Variants in DNAH14 observed in about 807,000 individuals in gnomAD.
The protein encoded by DNAH14 is dynein axonemal heavy chain 14.
A neutral mutation model predicts 520.9 loss-of-function variants in DNAH14; 478 were observed. The ratio of observed to expected loss-of-function variants is 0.92; its 90% CI spans 0.85 to 0.99. DNAH14 has a LOEUF of 0.99. Ranked by LOEUF, DNAH14 falls within the 50% of genes least tolerant of loss-of-function variation. The probability of loss-of-function intolerance (pLI) is 0.00; values close to 1 mark genes in which losing one functional copy is unlikely to be tolerated. For synonymous variants in DNAH14, 1,581 were observed against 1,757.2 expected, an observed-to-expected ratio of 0.90 and a Z score of 2.51; for missense variants, 4,831 against 5,234.5, an observed-to-expected ratio of 0.92 and a Z score of 2.38.
chr1:224,961,567 G>C (rs1437604685), intron 4 of DNAH14, among the ~76,000 whole-genome samples: 1 of 152,034 alleles, frequency 6.6e-6, no homozygotes, highest in Non-Finnish European at 1.5e-5. Flanking sequence ...GCAAATAGGG[G>C]AAATGCCAGA....
rs190615110 is a variant in DNAH14 at position 225,173,988 on chromosome 1, A to G, written c.5535+5960A>G. Among the ~76,000 whole-genome samples the G allele has an allele frequency of 2.7e-3, 415 of 152,320 alleles. 1 individual carries two copies. The highest frequency in any genetic ancestry group is 0.027 in the Middle Eastern group (8 of 294). ...GACATAGATGAAGCTGGAAACCATCATTCTCAGCAAACTATCGCAAGGACA... is the reference window on the plus strand; with the variant it reads ...GACATAGATGAAGCTGGAAACCATCGTTCTCAGCAAACTATCGCAAGGACA... On this transcript the variant is annotated intron_variant, in intron 36 of 85. Transcript: ENST00000682510.
intron 10 of DNAH14, among the ~76,000 whole-genome samples, chr1:225,014,210 A>G (rs1019984482): frequency 6.6e-6 from 1 of 151,958 alleles, no homozygotes; most frequent in Admixed American, 6.6e-5. Context: ...TAGCGGAGGG[A>G]GTTCCCTGAC....
intron 76 of DNAH14, among the ~76,000 whole-genome samples, chr1:225,367,068 A>G (rs1390947331): frequency 6.6e-6 from 1 of 152,010 alleles, no homozygotes; most frequent in African/African-American, 2.4e-5. Context: ...ATATACATAT[A>G]TACATACATT....
intron 54 of DNAH14, among the ~76,000 whole-genome samples, chr1:225,280,856 G>T (rs1311683037): frequency 4.6e-5 from 7 of 151,938 alleles, no homozygotes; most frequent in Non-Finnish European, 1.0e-4. Context: ...AAAGATAAAA[G>T]GAGGAAAAAC....
intron 52 of DNAH14, 55 bp downstream of exon 52, chr1:225,273,180 C>G: frequency 6.7e-7 from 1 of 1,488,206 alleles, no homozygotes; most frequent in Non-Finnish European, 8.9e-7. Flanking sequence ...CGCCTGTAAT[C>G]CCAGCACTTT....
At chr1:225,386,365 C>A (rs2095842232) in intron 81 of DNAH14, among the ~76,000 whole-genome samples, 1 of 152,058 alleles carries the variant, frequency 6.6e-6, no homozygotes, top group South Asian at 2.1e-4. Flanking sequence ...GCAACAAAAG[C>A]CAAAATTGAC....
chr1:225,192,411 AC>A (rs1355698410), intron 37 of DNAH14, among the ~76,000 whole-genome samples: 1 of 152,106 alleles, frequency 6.6e-6, no homozygotes, highest in East Asian at 1.9e-4. Flanking sequence ...CAGACACATT[AC>A]ATGCCAGTTT....
At chr1:225,168,091 A>C in intron 36 of DNAH14, 63 bp downstream of exon 36, 1 of 943,872 alleles carries the variant, frequency 1.1e-6, no homozygotes, top group African/African-American at 1.7e-5. Flanking sequence ...TAATAAAATA[A>C]AGGGCAAAAA....
intron 35 of DNAH14, among the ~76,000 whole-genome samples, chr1:225,161,632 G>T (rs2149155982): frequency 6.6e-6 from 1 of 152,290 alleles, no homozygotes; most frequent in East Asian, 1.9e-4. Context: ...CAACCACAAT[G>T]TATGAGTGTT....
At chr1:225,371,361 G>C (rs756583127) in intron 77 of DNAH14, among the ~76,000 whole-genome samples, 33 of 151,974 alleles carry the variant, frequency 2.2e-4, no homozygotes, top group Non-Finnish European at 3.5e-4. Flanking sequence ...TGTAGAAGAG[G>C]CATTTGTTAT....
intron 17 of DNAH14, among the ~76,000 whole-genome samples, chr1:225,073,604 C>T (rs1190969585): frequency 6.6e-6 from 1 of 152,210 alleles, no homozygotes; most frequent in African/African-American, 2.4e-5. Flanking sequence ...GCGGCCCGCT[C>T]CTCCCTCTGG....
chr1:224,951,568 G>A (rs1484038196), intron 1 of DNAH14, among the ~76,000 whole-genome samples: 1 of 151,124 alleles, frequency 6.6e-6, no homozygotes, highest in Non-Finnish European at 1.5e-5. Context: ...TCTGCACCCT[G>A]AGTCTCGTCA....
intron 75 of DNAH14, among the ~76,000 whole-genome samples, chr1:225,362,500 G>A (rs538571364): frequency 3.3e-5 from 5 of 151,862 alleles, no homozygotes; most frequent in African/African-American, 7.2e-5. Context: ...GCTTGATCCC[G>A]GGAGGTGGAG....
intron 23 of DNAH14, among the ~76,000 whole-genome samples, chr1:225,103,795 G>A (rs2075749212): frequency 6.6e-6 from 1 of 152,144 alleles, no homozygotes; most frequent in South Asian, 2.1e-4. Context: ...TTTGGGCTGA[G>A]ACGATGGGGT....
chr1:224,956,417 A>G (rs1192058879), intron 3 of DNAH14, among the ~76,000 whole-genome samples: 1 of 152,144 alleles, frequency 6.6e-6, no homozygotes, highest in Non-Finnish European at 1.5e-5. Context: ...ATGTGTTTAG[A>G]TACACAAATA....
chr1:224,983,400 A>G (rs1572235338), intron 8 of DNAH14, among the ~76,000 whole-genome samples: 1 of 152,148 alleles, frequency 6.6e-6, no homozygotes, highest in Non-Finnish European at 1.5e-5. Flanking sequence ...ACAGGGATAT[A>G]CCTTAATGTA....
At chr1:225,287,356 G>T (rs1346766634) in intron 54 of DNAH14, among the ~76,000 whole-genome samples, 1 of 152,098 alleles carries the variant, frequency 6.6e-6, no homozygotes, top group Non-Finnish European at 1.5e-5. Flanking sequence ...AAGTGGTTTG[G>T]GGGTAAAGTT....
chr1:225,139,647 C>A (rs1430905557), intron 27 of DNAH14, among the ~76,000 whole-genome samples: 4 of 152,182 alleles, frequency 2.6e-5, no homozygotes, highest in Non-Finnish European at 5.9e-5. Flanking sequence ...AAATAAATAA[C>A]AAACAGTAAT....
intron 25 of DNAH14, 121 bp downstream of exon 25, chr1:225,118,120 T>A (rs1265097876): frequency 1.3e-6 from 1 of 781,650 alleles, no homozygotes; most frequent in African/African-American, 1.7e-5. Flanking sequence ...AAAGATTATA[T>A]CCTTACGTAA....
Sources: allele counts gnomAD v4.1 joint callset (sites outside exome capture counted in the v4.1 genomes callset), GRCh38; gene constraint gnomAD v4.1.1; transcripts MANE v1.5; gene names NCBI Gene and HGNC (gene_info 2026-07-23, HGNC 2026-07-21).